The following IL1RAPL1 variants were observed in gnomAD, a reference collection of about 807,000 sequenced individuals.
IL1RAPL1 encodes interleukin-1 receptor accessory protein-like 1.
In IL1RAPL1, 3 loss-of-function variants were observed where a neutral mutation model predicts 48.4. That is an observed-to-expected ratio of 0.06 (90% confidence interval 0.03 to 0.16). The LOEUF (loss-of-function observed/expected upper bound fraction) is 0.16, where lower values mean the gene tolerates loss of function less well. Ranked by LOEUF, IL1RAPL1 falls within the 10% of genes least tolerant of loss-of-function variation. The pLI is 1.00. For synonymous variants in IL1RAPL1, 185 were observed against 187.7 expected, an observed-to-expected ratio of 0.99 and a Z score of 0.12; for missense variants, 349 against 530.6, an observed-to-expected ratio of 0.66 and a Z score of 3.36.
chrX:28,644,931 G>C (rs1433843461), intron 1 of IL1RAPL1, among the ~76,000 whole-genome samples: 1 of 111,333 alleles, frequency 9.0e-6, no homozygotes, highest in East Asian at 2.8e-4. Context: ...TAAAATATGA[G>C]CTCTATTGGC....
intron 1 of IL1RAPL1, among the ~76,000 whole-genome samples, chrX:28,736,547 A>G (rs1935828629): frequency 8.9e-6 from 1 of 111,987 alleles, no homozygotes; most frequent in African/African-American, 3.2e-5. Context: ...ACAATTGCAT[A>G]AATACATGCA....
chrX:28,679,385 T>A (rs1046031778), intron 1 of IL1RAPL1, among the ~76,000 whole-genome samples: 1 of 111,889 alleles, frequency 8.9e-6, no homozygotes, highest in African/African-American at 3.2e-5. Context: ...TTGCACATAT[T>A]TTCTCCCACT....
chrX:29,120,626 A>G (rs771449927), intron 2 of IL1RAPL1, among the ~76,000 whole-genome samples: 2 of 110,811 alleles, frequency 1.8e-5, no homozygotes, highest in Admixed American at 9.7e-5. Context: ...TATTGAGGCT[A>G]TTTTTTGGGT....
intron 6 of IL1RAPL1, among the ~76,000 whole-genome samples, chrX:29,752,488 T>G (rs1432127210): frequency 1.1e-5 from 1 of 89,749 alleles, no homozygotes; most frequent in Admixed American, 1.3e-4. Context: ...AAATCGAGAC[T>G]TTGTCTCAAA....
chrX:29,434,352 A>T (rs1010865209), intron 5 of IL1RAPL1, among the ~76,000 whole-genome samples: 16 of 110,481 alleles, frequency 1.4e-4, no homozygotes, highest in East Asian at 8.5e-4. Context: ...GATATTTTTT[A>T]AAAAAACAGA....
At chrX:28,872,778 G>A (rs1450944816) in intron 2 of IL1RAPL1, among the ~76,000 whole-genome samples, 1 of 112,280 alleles carries the variant, frequency 8.9e-6, no homozygotes, top group Admixed American at 9.4e-5. Flanking sequence ...AGTTGGCATT[G>A]TCTTGTGCTA....
At chrX:29,068,864 C>A (rs1470821810) in intron 2 of IL1RAPL1, among the ~76,000 whole-genome samples, 1 of 111,912 alleles carries the variant, frequency 8.9e-6, no homozygotes, top group Non-Finnish European at 1.9e-5. Flanking sequence ...GTCTTTAGAA[C>A]AATAACTCTG....
chrX:29,933,065 C>G (rs73631673), intron 8 of IL1RAPL1, among the ~76,000 whole-genome samples: 16,816 of 110,909 alleles, frequency 0.15, 982 homozygotes, highest in Middle Eastern at 0.18. Flanking sequence ...TTGTCATTAG[C>G]TTTGTGAATG....
chrX:28,596,819 A>G (rs998028682), intron 1 of IL1RAPL1, among the ~76,000 whole-genome samples: 3 of 110,994 alleles, frequency 2.7e-5, no homozygotes, highest in Non-Finnish European at 3.8e-5. Context: ...TTCCTGATCC[A>G]TGGTTGCTTG....
At chrX:29,941,520 G>A (rs2147251447) in intron 8 of IL1RAPL1, 131 bp from the exon 9 acceptor site, 2 of 648,480 alleles carry the variant, frequency 3.1e-6, no homozygotes, top group Non-Finnish European at 5.1e-6. Flanking sequence ...CATGCAAAAA[G>A]GAAAGGGGTT....
chrX:28,819,424 A>G (rs1479390829), intron 2 of IL1RAPL1, among the ~76,000 whole-genome samples: 4 of 111,092 alleles, frequency 3.6e-5, no homozygotes, highest in African/African-American at 9.8e-5. Context: ...CTTTATTACA[A>G]CTAAAAATGT....
intron 2 of IL1RAPL1, among the ~76,000 whole-genome samples, chrX:29,022,930 C>T (rs1268865957): frequency 8.9e-6 from 1 of 112,145 alleles, no homozygotes; most frequent in East Asian, 2.8e-4. Context: ...GATCCAATCT[C>T]CAGTAAACCA....
chrX:28,756,954 A>G (rs762576429), intron 1 of IL1RAPL1, among the ~76,000 whole-genome samples: 1 of 111,905 alleles, frequency 8.9e-6, no homozygotes, highest in African/African-American at 3.2e-5. Flanking sequence ...CACCTACACA[A>G]TGGGCTAATA....
chrX:29,003,163 G>C (rs1303564105), intron 2 of IL1RAPL1, among the ~76,000 whole-genome samples: 1 of 111,775 alleles, frequency 8.9e-6, no homozygotes, highest in African/African-American at 3.3e-5. Context: ...TGCTTGCTAT[G>C]TGCAAAACAA....
intron 1 of IL1RAPL1, among the ~76,000 whole-genome samples, chrX:28,749,108 G>C (rs148217815): frequency 1.8e-4 from 20 of 112,027 alleles, no homozygotes; most frequent in African/African-American, 6.5e-4. Flanking sequence ...CCTTGTTATG[G>C]TTAAATAGTA....
intron 6 of IL1RAPL1, among the ~76,000 whole-genome samples, chrX:29,717,596 A>G (rs1927519608): frequency 8.9e-6 from 1 of 112,567 alleles, no homozygotes; most frequent in Non-Finnish European, 1.9e-5. Flanking sequence ...TCAGCAAACT[A>G]TGGCCCTTGA....
At chrX:29,294,382 G>T (rs1312388848) in intron 3 of IL1RAPL1, among the ~76,000 whole-genome samples, 1 of 108,999 alleles carries the variant, frequency 9.2e-6, no homozygotes, top group East Asian at 2.9e-4. Context: ...CAAAAAATGA[G>T]CCGGGCGTGG....
chrX:29,173,849 G>T (rs761016548), intron 2 of IL1RAPL1, among the ~76,000 whole-genome samples: 1 of 111,418 alleles, frequency 9.0e-6, no homozygotes, highest in African/African-American at 3.3e-5. Flanking sequence ...AATATAAGCC[G>T]CATAATGCTT....
At chrX:29,705,653 G>A (rs994843902) in intron 6 of IL1RAPL1, among the ~76,000 whole-genome samples, 1 of 112,154 alleles carries the variant, frequency 8.9e-6, no homozygotes, top group Non-Finnish European at 1.9e-5. Flanking sequence ...GCTAGTGGAC[G>A]GTGGAGCATA....
Sources: allele counts gnomAD v4.1 joint callset (sites outside exome capture counted in the v4.1 genomes callset), GRCh38; gene constraint gnomAD v4.1.1; transcripts MANE v1.5; gene names NCBI Gene and HGNC (gene_info 2026-07-23, HGNC 2026-07-21).